Variants in IGF2BP3 observed in about 807,000 individuals in gnomAD.
IGF2BP3 encodes the protein insulin like growth factor 2 mRNA binding protein 3.
In IGF2BP3, 9 loss-of-function variants were observed where a neutral mutation model predicts 73.8. The ratio of observed to expected loss-of-function variants is 0.12; its 90% CI spans 0.07 to 0.21. The LOEUF (loss-of-function observed/expected upper bound fraction) is 0.21, where lower values mean the gene tolerates loss of function less well. IGF2BP3 is among the 10% of genes least tolerant of loss of function. The pLI is 1.00. For synonymous variants in IGF2BP3, 258 were observed against 256.7 expected (o/e 1.01, Z -0.05); for missense variants, 542 against 714.0 (o/e 0.76, Z 2.75).
intron 2 of IGF2BP3, among the ~76,000 whole-genome samples, chr7:23,457,656 A>C (rs1465150548): frequency 6.6e-6 from 1 of 152,204 alleles, no homozygotes; most frequent in Admixed American, 6.5e-5. Context: ...TATTTAGTAA[A>C]AGCACAAATT....
In IGF2BP3 at chr7:23,439,159, C is replaced by T. The variant is rs186568712; in HGVS notation, c.237-20335G>A. Among the ~76,000 whole-genome samples the T allele has an allele frequency of 2.6e-5, 4 of 152,196 alleles. No individual in the cohort carries two copies. The East Asian group carries it at 7.7e-4, about 29-fold the overall frequency. On this transcript the variant is annotated intron_variant, in intron 2 of 14. Transcript: ENST00000258729. ...CTCGAAGGCTGAGGCAAAAGAATCC[C>T]TTAAGCCCAGGAGTTTGAGGCTGCA...
At chr7:23,440,513 A>T (rs11769806) in intron 2 of IGF2BP3, among the ~76,000 whole-genome samples, 29,042 of 152,280 alleles carry the variant, frequency 0.19, 3,082 homozygotes, top group South Asian at 0.3. Flanking sequence ...ATTACACTTT[A>T]GTGGGATGGG....
chr7:23,422,827 GCT>G (rs1047892030), intron 2 of IGF2BP3, among the ~76,000 whole-genome samples: 19 of 152,204 alleles, frequency 1.2e-4, no homozygotes, highest in Middle Eastern at 3.4e-3. Flanking sequence ...TGGGAGTCTC[GCT>G]CTCTCACCCA....
chr7:23,437,465 A>G (rs1440392155), intron 2 of IGF2BP3, among the ~76,000 whole-genome samples: 1 of 149,332 alleles, frequency 6.7e-6, no homozygotes, highest in Non-Finnish European at 1.5e-5. Context: ...CCTGGGGGAC[A>G]AGAGCGAGAC....
Position 23,361,571 on chromosome 7 carries a change from C to T in IGF2BP3, c.364G>A (p.Val122Ile), listed in dbSNP as rs1562699556. 8 of 1,613,216 alleles carry T rather than the reference C, an allele frequency of 5.0e-6. No homozygotes were observed. Among genetic ancestry groups the T allele is most frequent in the Non-Finnish European group, 6.8e-6 (8 of 1,179,754 alleles). ...TCCTTACTGGAATAGGTTACATTTA[C>T]AACTGCAGTTTCCGAGTCAGTGTTC... ...QVNTDSETAV[V>I]NVTYSSKDQA... The change falls in exon 5 of 15, where the codon GTA becomes ATA. Residue 122 changes from valine (V) to isoleucine (I), a missense_variant. Physicochemically the swap from Val to Ile is conservative, Grantham distance 29. This residue lies in a region of IGF2BP3 where 239 missense variants were observed against 241.9 expected (regional missense o/e 0.99). Coordinates refer to ENST00000258729, the MANE Select transcript of IGF2BP3 (RefSeq NM_006547.3).
intron 2 of IGF2BP3, among the ~76,000 whole-genome samples, chr7:23,465,524 C>T (rs1258485243): frequency 1.5e-5 from 1 of 67,854 alleles, no homozygotes; most frequent in Non-Finnish European, 3.6e-5. Context: ...CTGAAAGGGT[C>T]CCCCCCCAAG....
chr7:23,366,304 A>G (rs553284157), intron 3 of IGF2BP3, among the ~76,000 whole-genome samples: 1 of 152,016 alleles, frequency 6.6e-6, no homozygotes, highest in African/African-American at 2.4e-5. Flanking sequence ...CACCCAGCTA[A>G]TTTTCGTATT....
intron 3 of IGF2BP3, among the ~76,000 whole-genome samples, chr7:23,368,343 A>AAAAGAAAG (rs58687904): frequency 0.18 from 24,204 of 137,646 alleles, 2,244 homozygotes; most frequent in African/African-American, 0.21. Context: ...AAGAAAGAAA[A>AAAAGAAAG]AAAGAAAGAA....
chr7:23,346,740 A>C (rs1041158206), intron 7 of IGF2BP3, among the ~76,000 whole-genome samples: 6 of 151,788 alleles, frequency 4.0e-5, no homozygotes, highest in African/African-American at 7.3e-5. Flanking sequence ...CTACAGGCAC[A>C]TGCCACCACG....
At chr7:23,453,122 C>T (rs1162637048) in intron 2 of IGF2BP3, among the ~76,000 whole-genome samples, 4 of 152,116 alleles carry the variant, frequency 2.6e-5, no homozygotes, top group South Asian at 2.1e-4. Context: ...AGCGAGACTC[C>T]GTCTCAAACA....
rs765747204 is a variant in IGF2BP3 at position 23,470,023 on chromosome 7, A to C, written c.88T>G (p.Ser30Ala). Residue 30 changes from serine (S) to alanine (A), a missense_variant, in exon 1 of 15, where the codon TCG becomes GCG. By Grantham distance (99) the Ser-to-Ala change is moderately conservative. Around this residue, in one of 2 missense-constraint regions of IGF2BP3, gnomAD observed 239 missense variants for 241.9 expected, o/e 0.99. Coordinates refer to ENST00000258729, the MANE Select transcript of IGF2BP3 (RefSeq NM_006547.3). ...SIFKDAKIPVSGPFLVKTGYA... is the reference protein window; with the variant it reads ...SIFKDAKIPVAGPFLVKTGYA... ...CCAGTCTTCACCAGGAAGGGTCCCG[A>C]CACCGGGATCTTGGCGTCCTTGAAG... is the stretch of plus-strand genomic sequence containing the variant. The C allele has an allele frequency of 2.5e-6, 4 of 1,612,828 alleles. No individual in the cohort carries two copies. Among genetic ancestry groups the C allele is most frequent in the Non-Finnish European group, 3.4e-6 (4 of 1,179,730 alleles).
At chr7:23,381,458 T>C (rs941312640) in intron 3 of IGF2BP3, among the ~76,000 whole-genome samples, 1 of 152,184 alleles carries the variant, frequency 6.6e-6, no homozygotes, top group African/African-American at 2.4e-5. Context: ...GCACAGAAAG[T>C]TGATAAATTT....
rs747774365 is a variant in IGF2BP3, at chr7:23,387,057, C to G, written c.286-25316G>C. On this transcript the variant is annotated intron_variant, in intron 3 of 14. Transcript: ENST00000258729. ...ACTCCTGCCTAGCAACACGGCAAGA[C>G]TCTGTCAAAAAAAAAAAAAAGAAAG... is the stretch of plus-strand genomic sequence containing the variant. 9.4e-4 allele frequency among the ~76,000 whole-genome samples: 136 copies of G among 145,244 alleles called. 1 individual carries two copies. The highest frequency in any genetic ancestry group is 5.6e-3 in the Admixed American group (81 of 14,538).
At chr7:23,416,537 A>T (rs1189934400) in intron 3 of IGF2BP3, among the ~76,000 whole-genome samples, 1 of 152,224 alleles carries the variant, frequency 6.6e-6, no homozygotes, top group African/African-American at 2.4e-5. Context: ...AGCCAGTTGA[A>T]CCTATTGAGA....
At chr7:23,451,047 G>A (rs1788184531) in intron 2 of IGF2BP3, among the ~76,000 whole-genome samples, 1 of 152,180 alleles carries the variant, frequency 6.6e-6, no homozygotes, top group Admixed American at 6.5e-5. Context: ...CAAACTGAAT[G>A]CAGTAGTAGT....
intron 10 of IGF2BP3, among the ~76,000 whole-genome samples, chr7:23,325,837 C>T (rs1163926851): frequency 1.3e-5 from 2 of 152,146 alleles, no homozygotes; most frequent in Non-Finnish European, 2.9e-5. Flanking sequence ...AAAGGATTCC[C>T]TATTTAATAA....
chr7:23,345,997 T>A lies in IGF2BP3; in HGVS notation c.884A>T (p.Glu295Val). 6.2e-7 allele frequency: 1 copy of A among 1,613,808 alleles called. No individual in the cohort carries two copies. The highest frequency in any genetic ancestry group is 1.1e-5 in the South Asian group (1 of 91,086). ...NNFVGRLIGK[E>V]GRNLKKIEQD... ...CTCAATTTTTTTAAGATTTCTTCCT[T>A]CTTTACCAATAAGACGTCCAACAAA... The change falls in exon 8 of 15, where the codon GAA becomes GTA. Residue 295 changes from glutamate to valine, a missense_variant. By Grantham distance (121) the Glu-to-Val change is moderately radical. Coordinates refer to ENST00000258729, the MANE Select transcript of IGF2BP3 (RefSeq NM_006547.3).
intron 3 of IGF2BP3, among the ~76,000 whole-genome samples, chr7:23,395,063 G>C (rs1160807137): frequency 1.3e-5 from 2 of 152,196 alleles, no homozygotes; most frequent in African/African-American, 4.8e-5. Flanking sequence ...AATGAGGCTG[G>C]CATCTGGAGG....
intron 3 of IGF2BP3, among the ~76,000 whole-genome samples, chr7:23,375,933 C>T (rs1785703508): frequency 6.6e-6 from 1 of 151,914 alleles, no homozygotes; most frequent in Non-Finnish European, 1.5e-5. Flanking sequence ...TAAACTAGTT[C>T]AATAAAGGGA....
Sources: gnomAD v4.1 joint callset for allele counts (sites outside exome capture counted in the v4.1 genomes callset) on GRCh38, gnomAD v4.1.1 for gene constraint, gnomAD v4.1.1 regional missense constraint, MANE v1.5 for transcripts, NCBI Gene and HGNC (gene_info 2026-07-23, HGNC 2026-07-21) for gene names.